Variants in PBX3 observed in about 807,000 individuals in gnomAD.
PBX3 encodes PBX homeobox 3, also known as pre-B-cell leukemia transcription factor 3.
In PBX3, 14 loss-of-function variants were observed where a neutral mutation model predicts 48.5. The observed-to-expected ratio is 0.29, with a 90% confidence interval of 0.19 to 0.45. PBX3 has a LOEUF of 0.45. PBX3 is among the 20% of genes least tolerant of loss of function. The pLI is 1.00. For synonymous variants in PBX3, 210 were observed against 200.3 expected (o/e 1.05, Z -0.41); for missense variants, 386 against 546.7 (o/e 0.71, Z 2.93).
intron 2 of PBX3, among the ~76,000 whole-genome samples, chr9:125,888,561 T>C (rs963139480): frequency 6.7e-6 from 1 of 149,042 alleles, no homozygotes; most frequent in Non-Finnish European, 1.5e-5. Flanking sequence ...GATATTTCTT[T>C]TTTTTTTTTT....
chr9:125,804,705 G>T (rs977015394), intron 2 of PBX3, among the ~76,000 whole-genome samples: 1 of 152,122 alleles, frequency 6.6e-6, no homozygotes, highest in African/African-American at 2.4e-5. Flanking sequence ...TTGAGAGGCC[G>T]AGGCAGGTGG....
intron 2 of PBX3, among the ~76,000 whole-genome samples, chr9:125,835,784 G>T (rs980566691): frequency 1.3e-5 from 2 of 152,196 alleles, no homozygotes; most frequent in African/African-American, 4.8e-5. Flanking sequence ...ATGGAAAACA[G>T]TATGGAGCTT....
intron 2 of PBX3, among the ~76,000 whole-genome samples, chr9:125,909,787 G>A (rs779505201): frequency 6.6e-5 from 10 of 151,986 alleles, no homozygotes; most frequent in Non-Finnish European, 1.0e-4. Context: ...AAAATAACTC[G>A]GTCCTGCCCA....
chr9:125,806,060 A>C (rs1044602874), intron 2 of PBX3, among the ~76,000 whole-genome samples: 4 of 152,194 alleles, frequency 2.6e-5, no homozygotes, highest in Non-Finnish European at 5.9e-5. Context: ...AAAACAAGGA[A>C]GTGTCAGAGA....
intron 2 of PBX3, among the ~76,000 whole-genome samples, chr9:125,832,344 C>T (rs1056446209): frequency 1.3e-5 from 2 of 151,856 alleles, no homozygotes; most frequent in Non-Finnish European, 2.9e-5. Context: ...TACAGGCGCC[C>T]GCCACCACGC....
intron 2 of PBX3, among the ~76,000 whole-genome samples, chr9:125,757,010 T>A (rs1055285498): frequency 6.6e-6 from 1 of 152,224 alleles, no homozygotes; most frequent in South Asian, 2.1e-4. Flanking sequence ...AATTGCATGT[T>A]ATTATTTAAA....
At chr9:125,840,131 A>T (rs1430534907) in intron 2 of PBX3, among the ~76,000 whole-genome samples, 1 of 152,090 alleles carries the variant, frequency 6.6e-6, no homozygotes, top group Non-Finnish European at 1.5e-5. Context: ...GTAAATAGTG[A>T]AGATTAATAA....
intron 1 of PBX3, 91 bp from the exon 2 acceptor site, chr9:125,748,459 G>A (rs953252897): frequency 6.0e-5 from 92 of 1,545,078 alleles, no homozygotes; most frequent in Non-Finnish European, 7.9e-5. Flanking sequence ...ATGGGGGGCT[G>A]GAATTAAATC....
rs758599177 is a variant in PBX3, at chr9:125,778,264, CTT to C, written c.274+29652_274+29653del. 3.5e-3 allele frequency among the ~76,000 whole-genome samples: 435 copies of C among 123,982 alleles called. 1 individual carries two copies. Among genetic ancestry groups the C allele is most frequent in the African/African-American group, 6.2e-3 (169 of 27,408 alleles). The allele number at this position is 123,982 out of a possible 152,430, so 81.3% of individuals were successfully genotyped here. A position where few individuals can be genotyped will look rare whatever the true frequency, so the allele number is the denominator to read the frequency against. On this transcript the variant is annotated intron_variant, in intron 2 of 8. Transcript: ENST00000373489. Reference sequence around the variant, plus strand: ...GGTGTGAGCCACCGTGCCTGGCCCTCTTTTTTTTTTTTGAGACGGAGTCTCAC... The same window carrying C: ...GGTGTGAGCCACCGTGCCTGGCCCTCTTTTTTTTTTGAGACGGAGTCTCAC...
rs1842527698 is a variant in PBX3 at position 125,966,154 on chromosome 9, T to TTAA, written c.*232_*234dup. The TTAA allele has an allele frequency of 2.5e-6, 1 of 394,374 alleles. No individual in the cohort carries two copies. Among genetic ancestry groups the TTAA allele is most frequent in the East Asian group, 4.3e-5 (1 of 23,418 alleles). 24.4% of individuals were successfully genotyped at this position (394,374 alleles called of 1,614,324 possible). A position where few individuals can be genotyped will look rare whatever the true frequency, so the allele number is the denominator to read the frequency against. On this transcript the variant is annotated 3_prime_UTR_variant, in exon 9 of 9. Coordinates refer to ENST00000373489, the MANE Select transcript of PBX3 (RefSeq NM_006195.6). Reference sequence around the variant, plus strand: ...GCACTTTATCCAATTAGGCCAAGATTTAACATTGTTGACAGTCCTGTAGCT... The same window carrying TTAA: ...GCACTTTATCCAATTAGGCCAAGATTTAATAACATTGTTGACAGTCCTGTAGCT...
intron 2 of PBX3, among the ~76,000 whole-genome samples, chr9:125,758,220 TG>T (rs1836572071): frequency 6.6e-6 from 1 of 152,244 alleles, no homozygotes; most frequent in African/African-American, 2.4e-5. Flanking sequence ...TATGGCATTT[TG>T]TATTCAATAA....
chr9:125,872,499 A>C (rs1210148555), intron 2 of PBX3, among the ~76,000 whole-genome samples: 1 of 152,186 alleles, frequency 6.6e-6, no homozygotes, highest in African/African-American at 2.4e-5. Context: ...TTGAAAGTGA[A>C]GGCAAAAAGC....
At chr9:125,964,712 A>C (rs185737207) in intron 8 of PBX3, among the ~76,000 whole-genome samples, 1 of 152,280 alleles carries the variant, frequency 6.6e-6, no homozygotes, top group African/African-American at 2.4e-5. Context: ...GTGATCACAG[A>C]AGAAGAAACA....
chr9:125,753,572 ACT>A (rs751507415), intron 2 of PBX3, among the ~76,000 whole-genome samples: 1 of 151,620 alleles, frequency 6.6e-6, no homozygotes, highest in African/African-American at 2.4e-5. Flanking sequence ...AATGTATTGA[ACT>A]CTCTTGTCAA....
At chr9:125,788,575 C>T (rs10121853) in intron 2 of PBX3, among the ~76,000 whole-genome samples, 107,011 of 152,114 alleles carry the variant, frequency 0.7, 38,138 homozygotes, top group African/African-American at 0.79. Flanking sequence ...ACAGATGTAA[C>T]TGAAAGCTTG....
intron 5 of PBX3, among the ~76,000 whole-genome samples, chr9:125,956,586 C>T (rs1001034905): frequency 2.0e-5 from 3 of 152,206 alleles, no homozygotes; most frequent in African/African-American, 7.2e-5. Context: ...GCATAATGTG[C>T]ACTACTCATT....
chr9:125,762,373 T>C (rs1409717086), intron 2 of PBX3, among the ~76,000 whole-genome samples: 1 of 152,208 alleles, frequency 6.6e-6, no homozygotes, highest in Non-Finnish European at 1.5e-5. Context: ...GTGCTTTCCT[T>C]CTCAAATTCT....
At chr9:125,849,115 A>G (rs1320588375) in intron 2 of PBX3, among the ~76,000 whole-genome samples, 2 of 152,018 alleles carry the variant, frequency 1.3e-5, no homozygotes, top group East Asian at 3.9e-4. Flanking sequence ...TCCGGATCAC[A>G]TGGCTAATAA....
At chr9:125,783,880 A>T (rs1308328657) in intron 2 of PBX3, among the ~76,000 whole-genome samples, 1 of 152,008 alleles carries the variant, frequency 6.6e-6, no homozygotes, top group East Asian at 2.0e-4. Flanking sequence ...GCACGCCTAT[A>T]ATCCCAGCTA....
Sources: allele counts gnomAD v4.1 joint callset (sites outside exome capture counted in the v4.1 genomes callset), GRCh38; gene constraint gnomAD v4.1.1; transcripts MANE v1.5; gene names NCBI Gene and HGNC (gene_info 2026-07-23, HGNC 2026-07-21).